Variants in ELMO1 observed in about 807,000 individuals in gnomAD.
The protein encoded by ELMO1 is engulfment and cell motility protein 1.
Under a neutral mutation model 98.9 loss-of-function variants are expected in ELMO1, and 26 were observed. The ratio of observed to expected loss-of-function variants is 0.26; its 90% CI spans 0.19 to 0.36. The LOEUF (loss-of-function observed/expected upper bound fraction) is 0.36, where lower values mean the gene tolerates loss of function less well. Among genes scored for constraint, ELMO1 ranks in the 10% least tolerant of loss-of-function variants. The pLI is 1.00. For missense variants in ELMO1, 627 were observed against 935.2 expected (o/e 0.67, Z 4.30); for synonymous variants, 346 against 346.0 (o/e 1.00, Z 0.00).
intron 1 of ELMO1, among the ~76,000 whole-genome samples, chr7:37,362,957 G>A (rs1047634648): frequency 6.6e-6 from 1 of 152,194 alleles, no homozygotes; most frequent in Non-Finnish European, 1.5e-5. Flanking sequence ...TTGGTAGAAC[G>A]TGTACTGATA....
At chr7:37,222,465 G>A (rs930705704) in intron 10 of ELMO1, 150 bp downstream of exon 10, 27 of 762,600 alleles carry the variant, frequency 3.5e-5, no homozygotes, top group South Asian at 1.8e-4. Flanking sequence ...CGGGCCAGCC[G>A]TGCAGCGGAA....
At chr7:36,971,081 T>G (rs1034026719) in intron 16 of ELMO1, among the ~76,000 whole-genome samples, 1 of 152,216 alleles carries the variant, frequency 6.6e-6, no homozygotes, top group Non-Finnish European at 1.5e-5. Context: ...GGTGAAGTTG[T>G]GTGTATGAAT....
intron 16 of ELMO1, among the ~76,000 whole-genome samples, chr7:36,899,372 A>T (rs75119438): frequency 0.06 from 9,109 of 152,202 alleles, 365 homozygotes; most frequent in South Asian, 0.17. Flanking sequence ...CATGGCTGAG[A>T]CAACATTTTG....
chr7:36,947,148 T>C (rs1695290574), intron 16 of ELMO1, among the ~76,000 whole-genome samples: 1 of 152,200 alleles, frequency 6.6e-6, no homozygotes, highest in Non-Finnish European at 1.5e-5. Context: ...GAGTCCCCAG[T>C]GTCTACTGTT....
At chr7:37,103,677 T>TA (rs888437873) in intron 14 of ELMO1, among the ~76,000 whole-genome samples, 1 of 151,474 alleles carries the variant, frequency 6.6e-6, no homozygotes, top group African/African-American at 2.4e-5. Flanking sequence ...TAAAGTATAA[T>TA]AAAAAATATT....
chr7:36,921,879 C>G (rs1198482116), intron 16 of ELMO1, among the ~76,000 whole-genome samples: 1 of 152,184 alleles, frequency 6.6e-6, no homozygotes, highest in African/African-American at 2.4e-5. Context: ...CAGGTAAAGT[C>G]AAATAATACC....
intron 16 of ELMO1, among the ~76,000 whole-genome samples, chr7:36,992,315 A>T (rs925184016): frequency 6.6e-6 from 1 of 152,194 alleles, no homozygotes; most frequent in South Asian, 2.1e-4. Flanking sequence ...AGACCTAATA[A>T]GTGAATGGGC....
intron 15 of ELMO1, among the ~76,000 whole-genome samples, chr7:37,065,016 T>G (rs1462795175): frequency 6.6e-6 from 1 of 152,158 alleles, no homozygotes; most frequent in Non-Finnish European, 1.5e-5. Flanking sequence ...TTCTAGTCCA[T>G]TGGTGATTTA....
intron 14 of ELMO1, among the ~76,000 whole-genome samples, chr7:37,117,828 G>C (rs1327870682): frequency 6.6e-6 from 1 of 152,134 alleles, no homozygotes; most frequent in Non-Finnish European, 1.5e-5. Flanking sequence ...TGTGCCTTTG[G>C]GGTCCTTGTT....
At chr7:37,373,794 C>T (rs535977780) in intron 1 of ELMO1, among the ~76,000 whole-genome samples, 44 of 152,250 alleles carry the variant, frequency 2.9e-4, no homozygotes, top group South Asian at 4.1e-4. Context: ...CAGAACAAAT[C>T]CTTAATTCTC....
At chr7:37,072,477 T>C (rs1797332179) in intron 15 of ELMO1, among the ~76,000 whole-genome samples, 2 of 152,234 alleles carry the variant, frequency 1.3e-5, no homozygotes, top group African/African-American at 4.8e-5. Flanking sequence ...TTGCCCAGTC[T>C]TGGGGATGTC....
intron 1 of ELMO1, among the ~76,000 whole-genome samples, chr7:37,381,684 A>G (rs1033013285): frequency 1.3e-5 from 2 of 152,240 alleles, no homozygotes; most frequent in African/African-American, 4.8e-5. Context: ...AGGGAAATTT[A>G]TCTCTAGAAC....
chr7:37,360,292 A>G (rs1801651765), intron 1 of ELMO1, among the ~76,000 whole-genome samples: 1 of 152,178 alleles, frequency 6.6e-6, no homozygotes, highest in South Asian at 2.1e-4. Context: ...ACTTTTTGGT[A>G]ACAGGCCCCA....
chr7:37,153,024 G>A (rs1046745784), intron 13 of ELMO1, among the ~76,000 whole-genome samples: 2 of 152,178 alleles, frequency 1.3e-5, no homozygotes, highest in Non-Finnish European at 2.9e-5. Context: ...GAGAAGGAGT[G>A]AGGGGCAGGA....
At chr7:37,084,213 A>G (rs564602373) in intron 15 of ELMO1, among the ~76,000 whole-genome samples, 1 of 152,340 alleles carries the variant, frequency 6.6e-6, no homozygotes, top group South Asian at 2.1e-4. Flanking sequence ...GCCCTTTAGT[A>G]TAACTCATTC....
At chr7:36,987,932 A>G (rs1265814891) in intron 16 of ELMO1, among the ~76,000 whole-genome samples, 3 of 152,030 alleles carry the variant, frequency 2.0e-5, no homozygotes, top group Admixed American at 6.6e-5. Flanking sequence ...TAATTTTTGT[A>G]TATTTATTAA....
At chr7:37,025,245 A>T (rs1794500084) in intron 15 of ELMO1, among the ~76,000 whole-genome samples, 8 of 152,174 alleles carry the variant, frequency 5.3e-5, no homozygotes, top group Admixed American at 5.2e-4. Context: ...CAATGAAAAA[A>T]TTTTTTGGAG....
intron 4 of ELMO1, among the ~76,000 whole-genome samples, chr7:37,293,091 GT>G (rs746425657): frequency 1.5e-4 from 2 of 13,264 alleles, no homozygotes; most frequent in Non-Finnish European, 3.2e-3. Context: ...CGGGAGGGAG[GT>G]GGGGGGGGGT....
chr7:37,390,575 A>T (rs1385300963), intron 1 of ELMO1, among the ~76,000 whole-genome samples: 10 of 152,130 alleles, frequency 6.6e-5, no homozygotes, highest in Non-Finnish European at 1.5e-5. Flanking sequence ...TGTTTCCAGT[A>T]ATTCTATTTC....
Sources: allele counts gnomAD v4.1 joint callset (sites outside exome capture counted in the v4.1 genomes callset), GRCh38; gene constraint gnomAD v4.1.1; transcripts MANE v1.5; gene names NCBI Gene and HGNC (gene_info 2026-07-23, HGNC 2026-07-21).